RNF217: variants seen among roughly 807,000 people sequenced by gnomAD.
The protein encoded by RNF217 is E3 ubiquitin-protein ligase RNF217.
In RNF217, 31 loss-of-function variants were observed where a neutral mutation model predicts 57.8. That is an observed-to-expected ratio of 0.54 (90% CI 0.40 to 0.72). The LOEUF (loss-of-function observed/expected upper bound fraction) is 0.72. Among genes scored for constraint, RNF217 ranks in the 30% least tolerant of loss-of-function variants. The pLI, the probability that RNF217 is intolerant of heterozygous loss-of-function variation, is 0.00. For synonymous variants in RNF217, 313 were observed against 294.0 expected (o/e 1.06, Z -0.66); for missense variants, 696 against 708.3 (o/e 0.98, Z 0.20).
intron 1 of RNF217, among the ~76,000 whole-genome samples, chr6:125,024,705 G>A (rs1785999481): frequency 6.9e-6 from 1 of 144,994 alleles, no homozygotes; most frequent in South Asian, 2.3e-4. Flanking sequence ...GGGTGACAGG[G>A]TAAGACTCTG....
At chr6:124,991,629 G>A (rs1203476559) in intron 1 of RNF217, among the ~76,000 whole-genome samples, 1 of 152,180 alleles carries the variant, frequency 6.6e-6, no homozygotes, top group Non-Finnish European at 1.5e-5. Flanking sequence ...TGCTTGACAT[G>A]TAGTAGGTGA....
At chr6:125,051,699 A>G (rs989327086) in intron 2 of RNF217, among the ~76,000 whole-genome samples, 4 of 151,974 alleles carry the variant, frequency 2.6e-5, no homozygotes. Context: ...TATTGGTCAC[A>G]GAGAATATTC....
Position 124,963,108 on chromosome 6 carries a change from A to C in RNF217, c.564A>C (p.Pro188=). The C allele has an allele frequency of 1.3e-6, 2 of 1,538,562 alleles. No homozygotes were observed. The highest frequency in any genetic ancestry group is 8.7e-7 in the Non-Finnish European group (1 of 1,148,832). Reference sequence around the variant, plus strand: ...AGCAGCTCTCGCCGCCCGCGTCGCCACCTGGGGCTCCGCCAGTGTTGAACC... The same window carrying C: ...AGCAGCTCTCGCCGCCCGCGTCGCCCCCTGGGGCTCCGCCAGTGTTGAACC... ...ASEQLSPPAS[P]PGAPPVLNPP... The change falls in exon 1 of 6, where the codon CCA becomes CCC. Residue 188 remains proline, a synonymous_variant. Transcript: ENST00000521654.
intron 3 of RNF217, among the ~76,000 whole-genome samples, chr6:125,062,243 T>C (rs72971305): frequency 1.9e-3 from 294 of 152,234 alleles, no homozygotes; most frequent in Non-Finnish European, 3.4e-3. Context: ...TATTAAGCAT[T>C]ACTTCTCTCT....
chr6:125,031,344 A>G (rs779545498), intron 1 of RNF217, among the ~76,000 whole-genome samples: 1 of 152,120 alleles, frequency 6.6e-6, no homozygotes, highest in Non-Finnish European at 1.5e-5. Context: ...GCTGGCTTGA[A>G]TTTTTCTGTA....
chr6:125,028,427 C>A (rs1786206112), intron 1 of RNF217, among the ~76,000 whole-genome samples: 1 of 151,890 alleles, frequency 6.6e-6, no homozygotes. Flanking sequence ...TTATATATTT[C>A]TTTTGGAACT....
chr6:125,007,249 AT>A lies in RNF217; in HGVS notation c.883-37949del, dbSNP rs35223447. On this transcript the variant is annotated intron_variant, in intron 1 of 5. Transcript: ENST00000521654. ...TATTCTTCTTTTTTTCACTTTGAGC[AT>A]TTTTTTTTTTTTGAGATGGAGTTTC... Among the ~76,000 whole-genome samples, 287 of 142,544 alleles carry A rather than the reference AT, an allele frequency of 2.0e-3. 2 individuals are homozygous for A. Among genetic ancestry groups the A allele is most frequent in the Middle Eastern group, 3.7e-3 (1 of 270 alleles). The allele number at this position is 142,544 out of a possible 152,430, so 93.5% of individuals were successfully genotyped here. A position where few individuals can be genotyped will look rare whatever the true frequency, so the allele number is the denominator to read the frequency against.
At chr6:124,994,424 C>A (rs981837302) in intron 1 of RNF217, among the ~76,000 whole-genome samples, 1 of 152,126 alleles carries the variant, frequency 6.6e-6, no homozygotes, top group Non-Finnish European at 1.5e-5. Flanking sequence ...AAATAATAAT[C>A]ATTTCTTAAT....
In RNF217 at chr6:124,973,539, C is replaced by T. The variant is rs528834697; in HGVS notation, c.882+10113C>T. On this transcript the variant is annotated intron_variant, in intron 1 of 5. Transcript: ENST00000521654. ...GGTGCTCAATAAATATTTGTTAAAG[C>T]CTGAATGAATGATTGAAAATAAATT... Among the ~76,000 whole-genome samples, 9 of 152,192 alleles carry T rather than the reference C, an allele frequency of 5.9e-5. No homozygotes were observed. In the South Asian group the frequency reaches 1.9e-3, roughly 32 times the overall value.
chr6:124,991,937 C>T (rs573638336), intron 1 of RNF217, among the ~76,000 whole-genome samples: 2 of 152,250 alleles, frequency 1.3e-5, no homozygotes. Flanking sequence ...GCCCTGGGCC[C>T]ATGGATTCCC....
intron 3 of RNF217, among the ~76,000 whole-genome samples, chr6:125,075,956 G>A (rs1788350870): frequency 6.6e-6 from 1 of 151,716 alleles, no homozygotes. Context: ...TGGTATATAT[G>A]GTATACATAT....
At chr6:125,052,154 T>G (rs1787341506) in intron 2 of RNF217, among the ~76,000 whole-genome samples, 1 of 151,934 alleles carries the variant, frequency 6.6e-6, no homozygotes, top group Non-Finnish European at 1.5e-5. Flanking sequence ...AAGCTAGTAT[T>G]GAGGTGAATG....
chr6:125,075,535 G>C (rs922267221), intron 3 of RNF217, among the ~76,000 whole-genome samples: 1 of 152,036 alleles, frequency 6.6e-6, no homozygotes, highest in Admixed American at 6.6e-5. Flanking sequence ...GAACTTCTGA[G>C]ACTCACTCAT....
At chr6:125,045,173 G>T in intron 1 of RNF217, 38 bp from the exon 2 acceptor site, 1 of 1,314,028 alleles carries the variant, frequency 7.6e-7, no homozygotes, top group South Asian at 1.3e-5. Context: ...AATAACCAGT[G>T]ACGTTTTTTT....
At chr6:124,968,289 G>A (rs752672164) in intron 1 of RNF217, among the ~76,000 whole-genome samples, 46 of 151,938 alleles carry the variant, frequency 3.0e-4, no homozygotes, top group Non-Finnish European at 2.8e-4. Context: ...TTGAAAAGTG[G>A]GAATTAAGGC....
At chr6:125,026,511 A>G (rs1216960180) in intron 1 of RNF217, among the ~76,000 whole-genome samples, 1 of 152,246 alleles carries the variant, frequency 6.6e-6, no homozygotes, top group African/African-American at 2.4e-5. Flanking sequence ...CTAGGATGAT[A>G]CAATTCAAGC....
At position 125,048,213 on chromosome 6, in the gene RNF217, T is replaced by TGGCA; in HGVS notation, c.1116+2770_1116+2773dup. 2.2e-6 allele frequency: 3 copies of TGGCA among 1,356,052 alleles called. No homozygotes were observed. In the South Asian group the frequency reaches 3.5e-5, roughly 16 times the overall value. The allele number at this position is 1,356,052 out of a possible 1,614,324, so 84.0% of individuals were successfully genotyped here. On this transcript the variant is annotated intron_variant, in intron 2 of 5. Transcript: ENST00000521654. Reference sequence around the variant, plus strand: ...AATCGTGAGATTCATGGCCACAGTATGGCACCCTGTACTGAGACTAAGATC... The same window carrying TGGCA: ...AATCGTGAGATTCATGGCCACAGTATGGCAGGCACCCTGTACTGAGACTAAGATC...
At chr6:124,994,798 A>G (rs939175728) in intron 1 of RNF217, among the ~76,000 whole-genome samples, 1 of 152,292 alleles carries the variant, frequency 6.6e-6, no homozygotes. Context: ...TTATACTTGA[A>G]AAACTGTACA....
intron 1 of RNF217, among the ~76,000 whole-genome samples, chr6:124,975,955 TTCC>T (rs200714912): frequency 2.1e-5 from 3 of 145,936 alleles, no homozygotes; most frequent in East Asian, 1.9e-4. Flanking sequence ...ATCATTTTTC[TTCC>T]TCAAGATATT....
Sources: gnomAD v4.1 joint callset for allele counts (sites outside exome capture counted in the v4.1 genomes callset) on GRCh38, gnomAD v4.1.1 for gene constraint, MANE v1.5 for transcripts, NCBI Gene and HGNC (gene_info 2026-07-23, HGNC 2026-07-21) for gene names.